LURAP1L: variants seen among roughly 807,000 people sequenced by gnomAD.
The protein encoded by LURAP1L is leucine rich adaptor protein 1 like, also known as leucine rich adaptor protein 1-like.
A neutral mutation model predicts 13.8 loss-of-function variants in LURAP1L; 12 were observed. The ratio of observed to expected loss-of-function variants is 0.87; its 90% CI spans 0.56 to 1.41. The LOEUF (loss-of-function observed/expected upper bound fraction) is 1.41. Among genes scored for constraint, LURAP1L ranks in the 40% most tolerant of loss-of-function variants. The probability of loss-of-function intolerance (pLI) is 0.00; values close to 1 mark genes in which losing one functional copy is unlikely to be tolerated. For synonymous variants in LURAP1L, 139 were observed against 119.2 expected, an observed-to-expected ratio of 1.17 and a Z score of -1.08; for missense variants, 375 against 292.9, an observed-to-expected ratio of 1.28 and a Z score of -2.04.
At chr9:12,776,151 A>G in intron 1 of LURAP1L, 124 bp downstream of exon 1, 1 of 996,268 alleles carries the variant, frequency 1.0e-6, no homozygotes, top group Non-Finnish European at 1.5e-6. Context: ...GGCGCGTGGG[A>G]AATGCTGGGT....
chr9:12,814,376 T>G (rs570796286), intron 1 of LURAP1L: 1 of 152,224 alleles, frequency 6.6e-6, no homozygotes, highest in African/African-American at 2.4e-5. Context: ...CATGTTTTCA[T>G]TAGATCATTC....
chr9:12,777,802 G>C (rs1365496818), intron 1 of LURAP1L, among the ~76,000 whole-genome samples: 1 of 152,186 alleles, frequency 6.6e-6, no homozygotes, highest in Non-Finnish European at 1.5e-5. Context: ...ATGTTGTCCT[G>C]TAGAGAAGTC....
chr9:12,785,906 G>T (rs1245064413), intron 1 of LURAP1L, among the ~76,000 whole-genome samples: 2 of 152,090 alleles, frequency 1.3e-5, no homozygotes, highest in African/African-American at 4.8e-5. Flanking sequence ...GTTTCTGTGG[G>T]GGTGACAATT....
chr9:12,790,926 G>A (rs1370817882), intron 1 of LURAP1L, among the ~76,000 whole-genome samples: 1 of 152,104 alleles, frequency 6.6e-6, no homozygotes, highest in Non-Finnish European at 1.5e-5. Context: ...TAAAGTCTGT[G>A]TGGTTTTAAC....
chr9:12,789,065 G>C (rs1819403833), intron 1 of LURAP1L, among the ~76,000 whole-genome samples: 2 of 147,424 alleles, frequency 1.4e-5, no homozygotes, highest in African/African-American at 5.1e-5. Flanking sequence ...GTGAGAGTGA[G>C]ATCCTGCCTC....
At chr9:12,780,529 CAG>C in intron 1 of LURAP1L, among the ~76,000 whole-genome samples, 1 of 152,262 alleles carries the variant, frequency 6.6e-6, no homozygotes, top group Non-Finnish European at 1.5e-5. Context: ...CTATGGCTTA[CAG>C]AGATTAATTA....
At chr9:12,804,432 C>A (rs1474099088) in intron 1 of LURAP1L, among the ~76,000 whole-genome samples, 1 of 150,600 alleles carries the variant, frequency 6.6e-6, no homozygotes, top group Non-Finnish European at 1.5e-5. Flanking sequence ...GCAACCTCTG[C>A]CTCCCAGGTT....
chr9:12,776,144 G>T (rs560683720), intron 1 of LURAP1L, 117 bp downstream of exon 1: 2 of 1,080,792 alleles, frequency 1.9e-6, no homozygotes, highest in Non-Finnish European at 2.7e-6. Flanking sequence ...AGCGCTGGGC[G>T]CGTGGGAAAT....
chr9:12,821,889 C>T lies in LURAP1L; in HGVS notation c.*129C>T. On this transcript the variant is annotated 3_prime_UTR_variant, in exon 2 of 2. Transcript: ENST00000319264. ...TTAAAAGAAGCTGATTTTGAAACTGCTTAATGGTATTGCTGTTGCTCCTAA... is the reference window on the plus strand; with the variant it reads ...TTAAAAGAAGCTGATTTTGAAACTGTTTAATGGTATTGCTGTTGCTCCTAA... 9.0e-7 allele frequency: 1 copy of T among 1,105,284 alleles called. No individual in the cohort carries two copies. Among genetic ancestry groups the T allele is most frequent in the Non-Finnish European group, 1.3e-6 (1 of 775,544 alleles). The allele number at this position is 1,105,284 out of a possible 1,614,324, so 68.5% of individuals were successfully genotyped here. A position where few individuals can be genotyped will look rare whatever the true frequency, so the allele number is the denominator to read the frequency against.
chr9:12,790,951 C>T (rs887951470), intron 1 of LURAP1L, among the ~76,000 whole-genome samples: 7 of 152,078 alleles, frequency 4.6e-5, no homozygotes, highest in African/African-American at 1.7e-4. Context: ...AATAAATAGA[C>T]ATTTAATTCG....
At chr9:12,793,294 T>A (rs947070099) in intron 1 of LURAP1L, among the ~76,000 whole-genome samples, 2 of 152,138 alleles carry the variant, frequency 1.3e-5, no homozygotes, top group African/African-American at 4.8e-5. Context: ...AGATTTTCTA[T>A]ACCAATATGT....
At chr9:12,787,758 G>A (rs553761674) in intron 1 of LURAP1L, among the ~76,000 whole-genome samples, 24 of 152,156 alleles carry the variant, frequency 1.6e-4, no homozygotes, top group Admixed American at 6.6e-4. Flanking sequence ...ATACTTCACC[G>A]CGTGTGCCTG....
chr9:12,785,408 G>A (rs1586875912), intron 1 of LURAP1L, among the ~76,000 whole-genome samples: 1 of 152,162 alleles, frequency 6.6e-6, no homozygotes, highest in East Asian at 1.9e-4. Flanking sequence ...TACTGGCTCT[G>A]AGCCCAGCAC....
At chr9:12,794,633 T>C (rs1819488122) in intron 1 of LURAP1L, among the ~76,000 whole-genome samples, 1 of 152,042 alleles carries the variant, frequency 6.6e-6, no homozygotes, top group Non-Finnish European at 1.5e-5. Context: ...AAATCTTGTT[T>C]GCTACAATTA....
intron 1 of LURAP1L, among the ~76,000 whole-genome samples, chr9:12,813,692 T>A (rs1400502473): frequency 1.3e-4 from 20 of 152,206 alleles, no homozygotes; most frequent in Admixed American, 1.3e-3. Flanking sequence ...AAAACTGTTA[T>A]TCAATTCAGT....
intron 1 of LURAP1L, among the ~76,000 whole-genome samples, chr9:12,794,757 G>A (rs2118498527): frequency 6.6e-6 from 1 of 151,836 alleles, no homozygotes; most frequent in African/African-American, 2.4e-5. Flanking sequence ...CAACATAAAT[G>A]TCCACACTTT....
intron 1 of LURAP1L, chr9:12,777,499 C>T (rs1451690035): frequency 1.0e-5 from 10 of 984,524 alleles, no homozygotes; most frequent in Non-Finnish European, 1.2e-5. Flanking sequence ...AATTTTATTC[C>T]TAACCATGTC....
chr9:12,786,052 T>C (rs1819345836), intron 1 of LURAP1L, among the ~76,000 whole-genome samples: 1 of 152,176 alleles, frequency 6.6e-6, no homozygotes, highest in Non-Finnish European at 1.5e-5. Flanking sequence ...TTTTACATAA[T>C]ATTTTTTATA....
chr9:12,801,502 A>G (rs1819585136), intron 1 of LURAP1L, among the ~76,000 whole-genome samples: 1 of 152,146 alleles, frequency 6.6e-6, no homozygotes, highest in Non-Finnish European at 1.5e-5. Flanking sequence ...TGATTCTCAA[A>G]CCATCTATTA....
Sources: gnomAD v4.1 joint callset for allele counts (sites outside exome capture counted in the v4.1 genomes callset) on GRCh38, gnomAD v4.1.1 for gene constraint, MANE v1.5 for transcripts, NCBI Gene and HGNC (gene_info 2026-07-23, HGNC 2026-07-21) for gene names.